INTS14: variants seen among roughly 807,000 people sequenced by gnomAD.
The protein encoded by INTS14 is UPF0464 protein C15orf44.
Under a neutral mutation model 56.9 loss-of-function variants are expected in INTS14, and 27 were observed. That is an observed-to-expected ratio of 0.47 (90% CI 0.35 to 0.65). The LOEUF (loss-of-function observed/expected upper bound fraction) is 0.65. INTS14 is among the 30% of genes least tolerant of loss of function. The probability of loss-of-function intolerance (pLI) is 0.00; values close to 1 mark genes in which losing one functional copy is unlikely to be tolerated. For missense variants in INTS14, 517 were observed against 632.2 expected (o/e 0.82, Z 1.95); for synonymous variants, 207 against 236.2 (o/e 0.88, Z 1.13).
At position 65,600,007 on chromosome 15, in the gene INTS14, T is replaced by G; in HGVS notation, c.331-78A>C. On this transcript the variant is annotated intron_variant, in intron 3 of 11. Transcript: ENST00000313182. ...CAGTCCCATTTAGCAGTGTTTTCAC[T>G]GCTAGAAAGGGGCACCAGGGCTGGC... 4 of 1,473,854 alleles carry G rather than the reference T, an allele frequency of 2.7e-6. No homozygotes were observed. In the South Asian group the frequency reaches 5.4e-5, roughly 20 times the overall value. 91.3% of individuals were successfully genotyped at this position (1,473,854 alleles called of 1,614,324 possible).
Position 65,582,011 on chromosome 15 carries a change from T to C in INTS14, c.1248A>G (p.Val416=), listed in dbSNP as rs1244477074. 3 of 1,608,308 alleles carry C rather than the reference T, an allele frequency of 1.9e-6. No homozygotes were observed. The highest frequency in any genetic ancestry group is 2.2e-5 in the South Asian group (2 of 90,362). The part of the protein sequence containing the change: ...WIKPSGLQTD[V]QKILRNARKL... ...TCCTTGCATTTCTTAAAATCTTCTG[T>C]ACATCTGTCTATTAAGGGTAAAAAA... is the stretch of plus-strand genomic sequence containing the variant. Residue 416 remains valine (V), a synonymous_variant, in exon 11 of 12, where the codon GTA becomes GTG. Coordinates refer to ENST00000313182, the MANE Select transcript of INTS14 (RefSeq NM_001394796.1).
Position 65,599,465 on chromosome 15 carries a change from T to C in INTS14, c.486+309A>G, listed in dbSNP as rs2141300410. 3 of 217,556 alleles carry C rather than the reference T, an allele frequency of 1.4e-5. No homozygotes were observed. The South Asian group carries it at 4.3e-4, about 31-fold the overall frequency. The allele number at this position is 217,556 out of a possible 1,614,324, so 13.5% of individuals were successfully genotyped here. Reference sequence around the variant, plus strand: ...CAAAGCACACTCTTGTCAACATTTCTGGTGGAATGGACATAAGAATTCTAT... The same window carrying C: ...CAAAGCACACTCTTGTCAACATTTCCGGTGGAATGGACATAAGAATTCTAT... On this transcript the variant is annotated intron_variant, in intron 4 of 11. Transcript: ENST00000313182.
intron 4 of INTS14, 82 bp downstream of exon 4, chr15:65,599,692 T>C (rs941624715): frequency 4.9e-6 from 7 of 1,443,028 alleles, no homozygotes; most frequent in Admixed American, 3.8e-5. Context: ...ATATACAATA[T>C]AGCACTAGTG....
chr15:65,586,557 T>C (rs769467688), intron 9 of INTS14: 4 of 152,196 alleles, frequency 2.6e-5, no homozygotes, highest in Non-Finnish European at 5.9e-5. Flanking sequence ...CATTTCAACA[T>C]CTAATCAGAG....
rs758038559 is a variant in INTS14 at position 65,598,895 on chromosome 15, C to A, written c.582G>T (p.Leu194Phe). 7.4e-6 allele frequency: 12 copies of A among 1,613,682 alleles called. No individual in the cohort carries two copies. The highest frequency in any genetic ancestry group is 8.5e-6 in the Non-Finnish European group (10 of 1,179,798). ...ACCCAAACATAGACTGTACATTCTT[C>A]AAGCACAGGGGGCCATCAATAGTAA... ...QIFTIDGPLC[L>F]KNVQSMFGKL... The change falls in exon 5 of 12, where the codon TTG (leucine) becomes TTT (phenylalanine). Residue 194 changes from leucine (L) to phenylalanine (F), a missense_variant. Physicochemically the swap from Leu to Phe is conservative, Grantham distance 22 (BLOSUM62 0). Transcript: ENST00000313182.
At chr15:65,581,933 A>T in intron 11 of INTS14, 21 bp downstream of exon 11, 1 of 1,611,322 alleles carries the variant, frequency 6.2e-7, no homozygotes. Flanking sequence ...TTTTGGGCAC[A>T]TCCTCTTCTG....
intron 9 of INTS14, among the ~76,000 whole-genome samples, chr15:65,587,291 A>G (rs1016377151): frequency 1.3e-5 from 2 of 152,200 alleles, no homozygotes; most frequent in Non-Finnish European, 2.9e-5. Flanking sequence ...ACACCTATGC[A>G]ACAGGTCTGG....
chr15:65,598,190 G>C, intron 6 of INTS14, 131 bp downstream of exon 6: 1 of 888,592 alleles, frequency 1.1e-6, no homozygotes, highest in Non-Finnish European at 1.6e-6. Context: ...TTTGGGTAAG[G>C]AATACTCAAC....
chr15:65,584,555 C>G (rs1227801029), intron 10 of INTS14, among the ~76,000 whole-genome samples: 1 of 152,142 alleles, frequency 6.6e-6, no homozygotes, highest in Admixed American at 6.5e-5. Context: ...CCTCCTTCCT[C>G]TAGGATTCTT....
At chr15:65,593,306 T>C in intron 8 of INTS14, 122 bp downstream of exon 8, 2 of 1,233,882 alleles carry the variant, frequency 1.6e-6, no homozygotes, top group Admixed American at 2.4e-5. Context: ...GAAAAGTGTG[T>C]GGCAGGAAAA....
intron 3 of INTS14, among the ~76,000 whole-genome samples, chr15:65,600,897 C>G (rs571770328): frequency 3.3e-4 from 50 of 152,234 alleles, no homozygotes; most frequent in African/African-American, 1.2e-3. Context: ...ACATTCACAA[C>G]CAATTCTTAC....
chr15:65,584,797 A>G lies in INTS14; in HGVS notation c.1212T>C (p.Thr404=), dbSNP rs200094084. 8.9e-5 allele frequency: 143 copies of G among 1,613,384 alleles called. No homozygotes were observed. In the South Asian group the frequency reaches 1.1e-3, roughly 12 times the overall value. ...GCAGGCCGCTGGGTTTGATCCAGAC[A>G]GTCACATTCTGGGCATAACTGCGTT... ...KNKRSYAQNV[T]VWIKPSGLQT... is the part of the protein sequence containing the mutation. The change falls in exon 10 of 12, where the codon ACT becomes ACC. Residue 404 remains threonine, a synonymous_variant. Transcript: ENST00000313182.
chr15:65,603,813 T>C (rs1320232487), intron 3 of INTS14, among the ~76,000 whole-genome samples: 1 of 152,168 alleles, frequency 6.6e-6, no homozygotes, highest in Non-Finnish European at 1.5e-5. Context: ...TTACTTATTA[T>C]CTATGGCTGC....
At chr15:65,588,918 C>T (rs1279576074) in intron 9 of INTS14, among the ~76,000 whole-genome samples, 1 of 152,106 alleles carries the variant, frequency 6.6e-6, no homozygotes, top group Non-Finnish European at 1.5e-5. Flanking sequence ...CAGCACAGTG[C>T]CTGGCACAAA....
intron 3 of INTS14, among the ~76,000 whole-genome samples, chr15:65,601,041 C>T (rs2073415572): frequency 1.3e-5 from 2 of 152,106 alleles, no homozygotes; most frequent in Non-Finnish European, 2.9e-5. Context: ...TGAACTTTGC[C>T]ACTTTATTTT....
intron 10 of INTS14, among the ~76,000 whole-genome samples, chr15:65,584,223 C>T (rs1297036088): frequency 6.6e-6 from 1 of 152,132 alleles, no homozygotes; most frequent in Non-Finnish European, 1.5e-5. Context: ...ATCATAACTT[C>T]CTATGGAAGT....
At chr15:65,593,594 G>T in intron 7 of INTS14, 22 bp from the exon 8 acceptor site, 1 of 1,600,298 alleles carries the variant, frequency 6.2e-7, no homozygotes, top group Non-Finnish European at 8.5e-7. Context: ...AGAGAAAACA[G>T]GTCAGACTGA....
rs566887952 is a variant in INTS14, at chr15:65,609,690, G to C, written c.-63+1408C>G. Reference sequence around the variant, plus strand: ...CTCCTCATTCAAGCAGACATATGGGGGACTCCCTCACGTCTGCCCAGCTCC... The same window carrying C: ...CTCCTCATTCAAGCAGACATATGGGCGACTCCCTCACGTCTGCCCAGCTCC... On this transcript the variant is annotated intron_variant, in intron 1 of 11. Coordinates refer to ENST00000313182, the MANE Select transcript of INTS14 (RefSeq NM_001394796.1). 1.2e-3 allele frequency among the ~76,000 whole-genome samples: 189 copies of C among 152,276 alleles called. 4 individuals carry two copies. In the South Asian group the frequency reaches 0.038, roughly 30 times the overall value.
chr15:65,608,150 C>T (rs141420025), intron 1 of INTS14, among the ~76,000 whole-genome samples: 3,595 of 152,006 alleles, frequency 0.024, 62 homozygotes, highest in Non-Finnish European at 0.032. Flanking sequence ...CCCAGGTGGG[C>T]GGATCTCTTG....
Sources: allele counts gnomAD v4.1 joint callset (sites outside exome capture counted in the v4.1 genomes callset), GRCh38; gene constraint gnomAD v4.1.1; transcripts MANE v1.5; gene names NCBI Gene and HGNC (gene_info 2026-07-23, HGNC 2026-07-21).